The following TUBGCP2 variants were observed in gnomAD, a reference collection of about 807,000 sequenced individuals.
TUBGCP2 encodes the protein tubulin gamma complex component 2, also known as gamma-tubulin complex component 2.
TUBGCP2 carries 55 observed loss-of-function variants against 92.2 expected under a neutral mutation model. The ratio of observed to expected loss-of-function variants is 0.60; its 90% CI spans 0.48 to 0.75. TUBGCP2 has a LOEUF of 0.75. TUBGCP2 is among the 30% of genes least tolerant of loss of function. The pLI, the probability that TUBGCP2 is intolerant of heterozygous loss-of-function variation, is 0.00. For missense variants in TUBGCP2, 1,093 were observed against 1,188.9 expected (o/e 0.92, Z 1.19); for synonymous variants, 533 against 505.2 (o/e 1.06, Z -0.74).
Position 133,285,369 on chromosome 10 carries a change from G to C in TUBGCP2, c.1895+87C>G. 6.3e-7 allele frequency: 1 copy of C among 1,596,966 alleles called. No homozygotes were observed. The highest frequency in any genetic ancestry group is 1.8e-5 in the Admixed American group (1 of 56,708). On this transcript the variant is annotated intron_variant, in intron 12 of 17. Coordinates refer to ENST00000252936, the MANE Select transcript of TUBGCP2 (RefSeq NM_006659.4). The surrounding 1 kb of genome is among the most constrained non-coding windows in gnomAD (Gnocchi z 6.8). ...GGAGAGCCGCCTTGGGTCCTCTGTG[G>C]GACGAGGTGGCCACCGCGTGGCACA... is the stretch of plus-strand genomic sequence containing the variant.
chr10:133,294,382 A>G (rs1255382627), intron 5 of TUBGCP2, among the ~76,000 whole-genome samples: 1 of 152,166 alleles, frequency 6.6e-6, no homozygotes, highest in Non-Finnish European at 1.5e-5. Flanking sequence ...AACTGTCCCC[A>G]CGAGGGCCTG....
rs1030195234 is a variant in TUBGCP2, at chr10:133,285,797, A to T, written c.1723-169T>A. Among the ~76,000 whole-genome samples the T allele has an allele frequency of 3.3e-5, 5 of 152,170 alleles. No individual in the cohort carries two copies. The highest frequency in any genetic ancestry group is 2.6e-4 in the Admixed American group (4 of 15,276). On this transcript the variant is annotated intron_variant, in intron 11 of 17. Transcript: ENST00000252936. This position sits in a 1 kb window ranked among gnomAD's most constrained non-coding sequence, Gnocchi z 6.8. ...AACCCAAACATCTACTGATAAATCA[A>T]ATTCAAAACTGAACCACTTCCCATC...
intron 11 of TUBGCP2, among the ~76,000 whole-genome samples, chr10:133,286,282 T>C (rs1004680118): frequency 6.6e-6 from 1 of 152,106 alleles, no homozygotes; most frequent in African/African-American, 2.4e-5. Flanking sequence ...CTGGACTCCA[T>C]CAACTCCAGC....
chr10:133,300,481 G>C, intron 2 of TUBGCP2: 1 of 200,976 alleles, frequency 5.0e-6, no homozygotes, highest in Non-Finnish European at 1.0e-5. Context: ...AGCTGAGATG[G>C]GAGGATCACA....
At chr10:133,288,065 T>C (rs1847177612) in intron 11 of TUBGCP2, 64 bp downstream of exon 11, 1 of 1,550,588 alleles carries the variant, frequency 6.4e-7, no homozygotes, top group Non-Finnish European at 8.7e-7. Flanking sequence ...GCCTCTGCTG[T>C]GCTCTCCTCC....
At chr10:133,290,012 C>G in intron 8 of TUBGCP2, 43 bp from the exon 9 acceptor site, 1 of 1,598,200 alleles carries the variant, frequency 6.3e-7, no homozygotes, top group African/African-American at 1.3e-5. Flanking sequence ...AAAGCAAGGG[C>G]GCCTGAGGCA....
At position 133,290,086 on chromosome 10, in the gene TUBGCP2, A is replaced by G. The variant is rs1029887802; in HGVS notation, c.1215-117T>C. The G allele has an allele frequency of 7.9e-6, 11 of 1,396,146 alleles. No homozygotes were observed. In the African/African-American group the frequency reaches 1.3e-4, roughly 16 times the overall value. The allele number at this position is 1,396,146 out of a possible 1,614,324, so 86.5% of individuals were successfully genotyped here. On this transcript the variant is annotated intron_variant, in intron 8 of 17. Transcript: ENST00000252936. ...AACAGAGGCCAGCACACTTCCAAGT[A>G]ACGTTCCACAAGGGCCGAGCCTAAT...
Position 133,301,700 on chromosome 10 carries a change from C to CTTTTTTTTTTTTTTTTTTTTTTT in TUBGCP2, c.150+1069_150+1091dup, listed in dbSNP as rs71016439. 5.7e-5 allele frequency: 5 copies of CTTTTTTTTTTTTTTTTTTTTTTT among 87,254 alleles called. 2 individuals carry two copies. Among genetic ancestry groups the CTTTTTTTTTTTTTTTTTTTTTTT allele is most frequent in the African/African-American group, 2.5e-4 (5 of 19,866 alleles). The allele number at this position is 87,254 out of a possible 1,614,324, so 5.4% of individuals were successfully genotyped here. A position where few individuals can be genotyped will look rare whatever the true frequency, so the allele number is the denominator to read the frequency against. On this transcript the variant is annotated intron_variant, in intron 2 of 17. Transcript: ENST00000252936. The stretch of plus-strand genomic sequence containing the variant: ...CAACATGGTTAATACCAGTCCCTCC[C>CTTTTTTTTTTTTTTTTTTTTTTT]TTTTTTTTTTTTTTTTTTTTTTTTT...
At chr10:133,284,891 G>A (rs1364566041) in intron 13 of TUBGCP2, among the ~76,000 whole-genome samples, 194 bp downstream of exon 13, 3 of 152,250 alleles carry the variant, frequency 2.0e-5, no homozygotes, top group Non-Finnish European at 4.4e-5. Flanking sequence ...CGGCAGCGCC[G>A]TGCAGCCCCA....
chr10:133,311,554 C>T, upstream of TUBGCP2: 1 of 610,758 alleles, frequency 1.6e-6, no homozygotes, highest in South Asian at 2.1e-5. Context: ...TTCTCCTTTT[C>T]CCAGTATCTT....
intron 15 of TUBGCP2, among the ~76,000 whole-genome samples, 193 bp from the exon 16 acceptor site, chr10:133,282,535 CG>C (rs1269771528): frequency 1.3e-5 from 2 of 152,206 alleles, no homozygotes; most frequent in African/African-American, 4.8e-5. Flanking sequence ...CTACCTTCCA[CG>C]GTGACCAGCT....
At chr10:133,307,800 G>C (rs971009778) in intron 1 of TUBGCP2, among the ~76,000 whole-genome samples, 47 of 152,222 alleles carry the variant, frequency 3.1e-4, no homozygotes, top group Non-Finnish European at 1.9e-4. Flanking sequence ...GCGATCATCA[G>C]AGTCACTCGC....
At chr10:133,301,612 T>A (rs1217923371) in intron 2 of TUBGCP2, 1 of 151,678 alleles carries the variant, frequency 6.6e-6, no homozygotes, top group African/African-American at 2.4e-5. Flanking sequence ...TCATTTTTAC[T>A]GAAAATCTAT....
chr10:133,303,596 C>G (rs1443144009), intron 1 of TUBGCP2, among the ~76,000 whole-genome samples: 4 of 152,214 alleles, frequency 2.6e-5, no homozygotes, highest in Admixed American at 2.0e-4. Context: ...TGCCAGCTAC[C>G]GGCACACACA....
chr10:133,312,235 T>G (rs1325075231), upstream of TUBGCP2: 22 of 1,368,710 alleles, frequency 1.6e-5, no homozygotes, highest in Non-Finnish European at 2.1e-5. Context: ...GCCGTCTGCC[T>G]TCCTAGCATG....
chr10:133,282,010 G>A (rs1487919182), intron 16 of TUBGCP2, among the ~76,000 whole-genome samples: 2 of 152,272 alleles, frequency 1.3e-5, no homozygotes, highest in Non-Finnish European at 1.5e-5. Flanking sequence ...GGGTTCCCTC[G>A]AGCCCGACTG....
At chr10:133,295,571 T>G (rs571821529) in intron 5 of TUBGCP2, 1 of 152,398 alleles carries the variant, frequency 6.6e-6, no homozygotes, top group South Asian at 2.1e-4. Flanking sequence ...GGCTCCTCCG[T>G]GCCGGTGTGG....
chr10:133,305,085 T>C (rs747925969), intron 1 of TUBGCP2, among the ~76,000 whole-genome samples: 14 of 152,038 alleles, frequency 9.2e-5, no homozygotes, highest in Non-Finnish European at 1.8e-4. Flanking sequence ...GGGCCTGACA[T>C]CAGTCAGGCC....
chr10:133,308,302 T>G (rs1320471862), intron 1 of TUBGCP2, among the ~76,000 whole-genome samples: 2 of 152,128 alleles, frequency 1.3e-5, no homozygotes, highest in Non-Finnish European at 2.9e-5. Context: ...ACAGGTCCTG[T>G]GTTTCACGGG....
Sources: gnomAD v4.1 joint callset for allele counts (sites outside exome capture counted in the v4.1 genomes callset) on GRCh38, gnomAD v4.1.1 for gene constraint, Gnocchi (gnomAD v3.1) non-coding constraint, MANE v1.5 for transcripts, NCBI Gene and HGNC (gene_info 2026-07-23, HGNC 2026-07-21) for gene names.